The following ZMAT4 variants were observed in gnomAD, a reference collection of about 807,000 sequenced individuals.
ZMAT4 encodes zinc finger matrin-type protein 4.
In ZMAT4, 17 loss-of-function variants were observed where a neutral mutation model predicts 28.7. That is an observed-to-expected ratio of 0.59 (90% CI 0.41 to 0.89). The LOEUF is 0.89. Ranked by LOEUF, ZMAT4 falls within the 40% of genes least tolerant of loss-of-function variation. The probability of loss-of-function intolerance (pLI) is 0.00; values close to 1 mark genes in which losing one functional copy is unlikely to be tolerated. For missense variants in ZMAT4, 240 were observed against 283.8 expected, an observed-to-expected ratio of 0.85 and a Z score of 1.11; for synonymous variants, 117 against 109.2, an observed-to-expected ratio of 1.07 and a Z score of -0.44.
intron 6 of ZMAT4, among the ~76,000 whole-genome samples, 162 bp downstream of exon 6, chr8:40,581,003 A>T (rs1046957644): frequency 6.6e-5 from 10 of 152,230 alleles, no homozygotes; most frequent in Non-Finnish European, 1.2e-4. Flanking sequence ...TAAAGGGAAG[A>T]AGCCATTCTT....
chr8:40,703,448 T>C lies in ZMAT4; in HGVS notation c.193-6047A>G, dbSNP rs77725807. 4.8e-3 allele frequency among the ~76,000 whole-genome samples: 736 copies of C among 152,312 alleles called. 1 individual carries two copies. The highest frequency in any genetic ancestry group is 0.016 in the African/African-American group (648 of 41,574). On this transcript the variant is annotated intron_variant, in intron 3 of 6. Transcript: ENST00000297737. ...GTATGGATGAATCTTGAAAACATTA[T>C]GCTAAATAAAAGAAGCCAATCCATC...
intron 6 of ZMAT4, among the ~76,000 whole-genome samples, chr8:40,568,718 AT>A (rs1364021395): frequency 6.6e-6 from 1 of 152,202 alleles, no homozygotes; most frequent in African/African-American, 2.4e-5. Context: ...AAACTAAGCC[AT>A]AATGAGGTAT....
chr8:40,867,425 T>C (rs1817715015), intron 1 of ZMAT4, among the ~76,000 whole-genome samples: 1 of 152,204 alleles, frequency 6.6e-6, no homozygotes, highest in South Asian at 2.1e-4. Flanking sequence ...ATGATTCCTT[T>C]GCTCAGGCCT....
intron 4 of ZMAT4, among the ~76,000 whole-genome samples, chr8:40,683,685 C>T (rs1330715907): frequency 2.0e-5 from 3 of 152,098 alleles, no homozygotes; most frequent in Non-Finnish European, 4.4e-5. Context: ...TAAAGTTATG[C>T]AGTACTCACC....
intron 3 of ZMAT4, among the ~76,000 whole-genome samples, chr8:40,749,019 G>GATTCTCTT (rs1812352622): frequency 6.6e-6 from 1 of 152,110 alleles, no homozygotes; most frequent in African/African-American, 2.4e-5. Flanking sequence ...CTTTTATAAG[G>GATTCTCTT]GGTAACCCCT....
chr8:40,726,792 G>A (rs1021036142), intron 3 of ZMAT4, among the ~76,000 whole-genome samples: 7 of 152,154 alleles, frequency 4.6e-5, no homozygotes, highest in Admixed American at 1.3e-4. Flanking sequence ...CAATATGGCC[G>A]GCAGAGTCTA....
At chr8:40,694,526 T>C in intron 4 of ZMAT4, among the ~76,000 whole-genome samples, 1 of 152,156 alleles carries the variant, frequency 6.6e-6, no homozygotes, top group East Asian at 1.9e-4. Context: ...ACCGGCACAC[T>C]GCTGGTTCAT....
chr8:40,877,179 C>A (rs1450282774), intron 1 of ZMAT4, among the ~76,000 whole-genome samples: 3 of 152,182 alleles, frequency 2.0e-5, no homozygotes, highest in Non-Finnish European at 2.9e-5. Context: ...CGTCTACAAG[C>A]CAAGAACAGT....
At chr8:40,843,240 T>C (rs1398667249) in intron 1 of ZMAT4, among the ~76,000 whole-genome samples, 4 of 152,198 alleles carry the variant, frequency 2.6e-5, no homozygotes, top group Non-Finnish European at 5.9e-5. Context: ...ACCTTGTTTA[T>C]AAATATGAAT....
At chr8:40,649,375 C>T (rs1807518783) in intron 5 of ZMAT4, among the ~76,000 whole-genome samples, 1 of 152,162 alleles carries the variant, frequency 6.6e-6, no homozygotes, top group Admixed American at 6.5e-5. Context: ...GAAGAGCTAA[C>T]TATCATAAAT....
At chr8:40,871,940 A>G (rs1303229433) in intron 1 of ZMAT4, among the ~76,000 whole-genome samples, 6 of 152,234 alleles carry the variant, frequency 3.9e-5, no homozygotes, top group Non-Finnish European at 7.3e-5. Context: ...TTAATGTGAA[A>G]GAAATTCATC....
chr8:40,823,387 G>A (rs188042441), intron 2 of ZMAT4, among the ~76,000 whole-genome samples: 151 of 152,236 alleles, frequency 9.9e-4, no homozygotes, highest in African/African-American at 3.4e-3. Flanking sequence ...GGCCGGACAC[G>A]GTGGCTCGCA....
chr8:40,635,933 T>C (rs1157013531), intron 5 of ZMAT4, among the ~76,000 whole-genome samples: 1 of 152,236 alleles, frequency 6.6e-6, no homozygotes, highest in African/African-American at 2.4e-5. Flanking sequence ...TTCTGAGTTC[T>C]GGAACAGTTT....
intron 5 of ZMAT4, among the ~76,000 whole-genome samples, chr8:40,657,277 C>T (rs1416744459): frequency 6.6e-6 from 1 of 152,170 alleles, no homozygotes; most frequent in Admixed American, 6.5e-5. Flanking sequence ...TGGTCATTTT[C>T]CATCCTTTTT....
At chr8:40,720,184 G>T (rs1811018985) in intron 3 of ZMAT4, among the ~76,000 whole-genome samples, 1 of 152,188 alleles carries the variant, frequency 6.6e-6, no homozygotes, top group Non-Finnish European at 1.5e-5. Context: ...ACATGGTCAT[G>T]ATTCATGATC....
At chr8:40,641,943 AAAAT>A (rs1363199427) in intron 5 of ZMAT4, among the ~76,000 whole-genome samples, 1 of 152,154 alleles carries the variant, frequency 6.6e-6, no homozygotes, top group African/African-American at 2.4e-5. Flanking sequence ...TGATAATAAT[AAAAT>A]AAATAAAAAT....
At chr8:40,657,606 G>T (rs1807984271) in intron 5 of ZMAT4, among the ~76,000 whole-genome samples, 1 of 151,780 alleles carries the variant, frequency 6.6e-6, no homozygotes, top group Admixed American at 6.6e-5. Flanking sequence ...CTTTCTCCTT[G>T]GTCTTCAGCA....
intron 1 of ZMAT4, among the ~76,000 whole-genome samples, chr8:40,866,712 T>G (rs930687924): frequency 3.9e-5 from 6 of 152,200 alleles, no homozygotes; most frequent in South Asian, 4.1e-4. Flanking sequence ...TGCTTCTCTC[T>G]GGTGTGTAAA....
intron 5 of ZMAT4, among the ~76,000 whole-genome samples, chr8:40,647,166 G>A (rs1358097756): frequency 6.6e-6 from 1 of 152,194 alleles, no homozygotes; most frequent in African/African-American, 2.4e-5. Flanking sequence ...CGAGGTACCA[G>A]GTTCATCTCA....
Sources: gnomAD v4.1 joint callset for allele counts (sites outside exome capture counted in the v4.1 genomes callset) on GRCh38, gnomAD v4.1.1 for gene constraint, MANE v1.5 for transcripts, NCBI Gene and HGNC (gene_info 2026-07-23, HGNC 2026-07-21) for gene names.